Variants in MTHFD1L observed in about 807,000 individuals in gnomAD.
MTHFD1L encodes the protein monofunctional C1-tetrahydrofolate synthase, mitochondrial.
A neutral mutation model predicts 119.5 loss-of-function variants in MTHFD1L; 81 were observed. That is an observed-to-expected ratio of 0.68 (90% CI 0.57 to 0.82). The LOEUF is 0.82. Among genes scored for constraint, MTHFD1L ranks in the 40% least tolerant of loss-of-function variants. The pLI is 0.00. For synonymous variants in MTHFD1L, 430 were observed against 475.2 expected, an observed-to-expected ratio of 0.90 and a Z score of 1.24; for missense variants, 1,125 against 1,253.4, an observed-to-expected ratio of 0.90 and a Z score of 1.55.
chr6:150,940,905 G>A (rs765372914), intron 13 of MTHFD1L, among the ~76,000 whole-genome samples: 2 of 152,102 alleles, frequency 1.3e-5, no homozygotes, highest in African/African-American at 2.4e-5. Flanking sequence ...TGAGGGTAGA[G>A]TGGGCCAGAC....
In MTHFD1L at chr6:151,033,138, A is replaced by T. The variant is rs189570278; in HGVS notation, c.2587-1355A>T. Among the ~76,000 whole-genome samples, 862 of 144,664 alleles carry T rather than the reference A, an allele frequency of 6.0e-3. 11 individuals are homozygous for T. The highest frequency in any genetic ancestry group is 0.021 in the African/African-American group (792 of 38,208). The allele number at this position is 144,664 out of a possible 152,430, so 94.9% of individuals were successfully genotyped here. A position where few individuals can be genotyped will look rare whatever the true frequency, so the allele number is the denominator to read the frequency against. ...TATGCTTTCTTTTTTTTTTTTTTTGAGACAGAGTCTTGCTCTGTCACCCAG... is the reference window on the plus strand; with the variant it reads ...TATGCTTTCTTTTTTTTTTTTTTTGTGACAGAGTCTTGCTCTGTCACCCAG... On this transcript the variant is annotated intron_variant, in intron 24 of 27. Transcript: ENST00000367321.
chr6:151,022,129 C>G (rs958004425), intron 24 of MTHFD1L: 4 of 465,450 alleles, frequency 8.6e-6, no homozygotes, highest in African/African-American at 8.0e-5. Context: ...CTGAACTTCA[C>G]GCTCTCACTG....
At position 150,887,975 on chromosome 6, in the gene MTHFD1L, A is replaced by C. The variant is rs756078169; in HGVS notation, c.774A>C (p.Gln258His). Residue 258 changes from glutamine to histidine, a missense_variant, in exon 7 of 28, where the codon CAA becomes CAC. Gln to His is a conservative substitution (Grantham distance 24, BLOSUM62 0). Around this residue, in one of 3 missense-constraint regions of MTHFD1L, gnomAD observed 1,058 missense variants for 1,151.2 expected, o/e 0.92. Coordinates refer to ENST00000367321, the MANE Select transcript of MTHFD1L (RefSeq NM_015440.5). ...MSIQWKTRQL[Q>H]SKLHEADIVV... ...TCCAGTGGAAAACACGCCAGCTTCA[A>C]AGCAAGGTAAATTTCATGTTAGAAA... The C allele has an allele frequency of 6.3e-7, 1 of 1,598,540 alleles. No individual in the cohort carries two copies. The highest frequency in any genetic ancestry group is 8.5e-7 in the Non-Finnish European group (1 of 1,174,960).
chr6:151,031,281 A>G (rs1245277307), intron 24 of MTHFD1L, among the ~76,000 whole-genome samples: 1 of 152,202 alleles, frequency 6.6e-6, no homozygotes, highest in East Asian at 1.9e-4. Context: ...TTTGTATGGC[A>G]TGGCCCTCCA....
intron 13 of MTHFD1L, among the ~76,000 whole-genome samples, chr6:150,940,468 G>A (rs1272143904): frequency 2.6e-5 from 4 of 152,166 alleles, no homozygotes; most frequent in African/African-American, 9.7e-5. Flanking sequence ...TGGTGTACAA[G>A]GGGCATACAC....
intron 20 of MTHFD1L, among the ~76,000 whole-genome samples, chr6:150,973,493 G>A (rs757284950): frequency 5.9e-5 from 9 of 152,274 alleles, no homozygotes; most frequent in East Asian, 1.9e-4. Context: ...GGGTCAGGGC[G>A]GGCACTGGAA....
intron 20 of MTHFD1L, among the ~76,000 whole-genome samples, chr6:150,996,849 A>G (rs1009096309): frequency 7.9e-5 from 12 of 152,134 alleles, no homozygotes; most frequent in African/African-American, 2.2e-4. Flanking sequence ...CCCTCTGTTT[A>G]TCTCTGAAAG....
At chr6:151,042,148 A>T (rs1434605286) in intron 26 of MTHFD1L, 1 of 209,138 alleles carries the variant, frequency 4.8e-6, no homozygotes, top group African/African-American at 2.4e-5. Flanking sequence ...GCTCGTGGTC[A>T]TCTAAGACCT....
At chr6:150,956,510 CTTA>C (rs1436583110) in intron 17 of MTHFD1L, among the ~76,000 whole-genome samples, 1 of 152,108 alleles carries the variant, frequency 6.6e-6, no homozygotes, top group Non-Finnish European at 1.5e-5. Flanking sequence ...AGGATAATGG[CTTA>C]TTAATACAAA....
chr6:150,865,748 T>G lies in MTHFD1L; in HGVS notation c.-75T>G. 15 of 1,070,020 alleles carry G rather than the reference T, an allele frequency of 1.4e-5. No individual in the cohort carries two copies. Among genetic ancestry groups the G allele is most frequent in the South Asian group, 2.4e-5 (1 of 41,058 alleles). 66.3% of individuals were successfully genotyped at this position (1,070,020 alleles called of 1,614,324 possible). The stretch of plus-strand genomic sequence containing the variant: ...CGCCGCCGCCGCCGCCGCCGCCGCC[T>G]GCTCCCCTGGCACGCGCCCCGCCGC... On this transcript the variant is annotated 5_prime_UTR_variant, in exon 1 of 28. Transcript: ENST00000367321.
In MTHFD1L at chr6:150,922,815, T is replaced by C. The variant is rs186949926; in HGVS notation, c.1082+513T>C. On this transcript the variant is annotated intron_variant, in intron 10 of 27. Transcript: ENST00000367321. ...CACGCCACCACACCCAGCTAATTTT[T>C]GTATTTTTAGTAGAGATGGGGGTTT... is the stretch of plus-strand genomic sequence containing the variant. 1.5e-3 allele frequency among the ~76,000 whole-genome samples: 231 copies of C among 151,748 alleles called. 2 individuals carry two copies. The highest frequency in any genetic ancestry group is 5.3e-3 in the African/African-American group (218 of 41,262).
intron 21 of MTHFD1L, among the ~76,000 whole-genome samples, chr6:151,011,974 C>A (rs1447449121): frequency 7.8e-6 from 1 of 128,154 alleles, no homozygotes; most frequent in Non-Finnish European, 1.6e-5. Context: ...GCACTCCAGC[C>A]TGGGTGACAA....
chr6:150,885,681 A>C lies in MTHFD1L; in HGVS notation c.590A>C (p.Glu197Ala). 6.2e-7 allele frequency: 1 copy of C among 1,614,062 alleles called. No homozygotes were observed. The highest frequency in any genetic ancestry group is 8.5e-7 in the Non-Finnish European group (1 of 1,179,960). The change falls in exon 6 of 28, where the codon GAA (glutamate) becomes GCA (alanine). Residue 197 changes from glutamate to alanine, a missense_variant. Around this residue, in one of 3 missense-constraint regions of MTHFD1L, gnomAD observed 1,058 missense variants for 1,151.2 expected, o/e 0.92. Transcript: ENST00000367321. ...LGKLVRGDAHECFVSPVAKAV... is the reference protein window; with the variant it reads ...LGKLVRGDAHACFVSPVAKAV... ...AAGCTGGTGCGAGGGGATGCCCATG[A>C]ATGTTTTGTTTCACCTGTTGCCAAA... is the stretch of plus-strand genomic sequence containing the variant.
At chr6:150,873,793 G>A (rs964744340) in intron 1 of MTHFD1L, among the ~76,000 whole-genome samples, 9 of 152,076 alleles carry the variant, frequency 5.9e-5, no homozygotes, top group African/African-American at 2.2e-4. Flanking sequence ...TCAGCCTCCT[G>A]AGTAGCTCTG....
intron 9 of MTHFD1L, among the ~76,000 whole-genome samples, chr6:150,921,319 A>G (rs1788894703): frequency 6.6e-6 from 1 of 151,844 alleles, no homozygotes; most frequent in African/African-American, 2.4e-5. Context: ...GGGTTTCTCC[A>G]TGTTGGTCAG....
chr6:150,875,147 A>G (rs904621213), intron 1 of MTHFD1L, among the ~76,000 whole-genome samples: 2 of 151,608 alleles, frequency 1.3e-5, no homozygotes, highest in African/African-American at 2.4e-5. Flanking sequence ...CCTCAAACTC[A>G]TGGGCTCAAG....
chr6:150,904,099 C>T (rs1330116606), intron 7 of MTHFD1L, among the ~76,000 whole-genome samples: 1 of 152,136 alleles, frequency 6.6e-6, no homozygotes, highest in Non-Finnish European at 1.5e-5. Context: ...AAAGGCATCA[C>T]CTGATGCACC....
intron 1 of MTHFD1L, among the ~76,000 whole-genome samples, chr6:150,872,790 C>A (rs1411548521): frequency 6.6e-6 from 1 of 151,528 alleles, no homozygotes; most frequent in Non-Finnish European, 1.5e-5. Flanking sequence ...ATGATGTATG[C>A]CTGTATTTTT....
intron 9 of MTHFD1L, among the ~76,000 whole-genome samples, chr6:150,919,757 A>T (rs1303952414): frequency 6.6e-6 from 1 of 152,206 alleles, no homozygotes; most frequent in Non-Finnish European, 1.5e-5. Flanking sequence ...CTAAACCATC[A>T]TGAGAAACTA....
Sources: gnomAD v4.1 joint callset for allele counts (sites outside exome capture counted in the v4.1 genomes callset) on GRCh38, gnomAD v4.1.1 for gene constraint, gnomAD v4.1.1 regional missense constraint, MANE v1.5 for transcripts, NCBI Gene and HGNC (gene_info 2026-07-23, HGNC 2026-07-21) for gene names.